Variants in CAP2 observed in about 807,000 individuals in gnomAD.
The protein encoded by CAP2 is adenylyl cyclase-associated protein 2.
In CAP2, 24 loss-of-function variants were observed where a neutral mutation model predicts 57.7. The observed-to-expected ratio is 0.42, with a 90% CI of 0.30 to 0.58. The LOEUF is 0.58. CAP2 is among the 20% of genes least tolerant of loss of function. CAP2 has a pLI of 0.22. For missense variants in CAP2, 501 were observed against 590.3 expected (o/e 0.85, Z 1.57); for synonymous variants, 194 against 207.2 (o/e 0.94, Z 0.55).
chr6:17,519,760 G>A (rs530092356), intron 7 of CAP2, among the ~76,000 whole-genome samples: 41 of 152,188 alleles, frequency 2.7e-4, no homozygotes, highest in Middle Eastern at 3.4e-3. Flanking sequence ...TATAATTATT[G>A]AAATAATTGA....
At chr6:17,412,266 A>G (rs1759158536) in intron 1 of CAP2, among the ~76,000 whole-genome samples, 1 of 152,184 alleles carries the variant, frequency 6.6e-6, no homozygotes, top group South Asian at 2.1e-4. Flanking sequence ...CCTCAAGGAG[A>G]TTGTGCCTTG....
chr6:17,463,083 T>C lies in CAP2; in HGVS notation c.300+10T>C. 3.7e-6 allele frequency: 6 copies of C among 1,600,890 alleles called. No homozygotes were observed. Among genetic ancestry groups the C allele is most frequent in the Non-Finnish European group, 5.1e-6 (6 of 1,168,250 alleles). On this transcript the variant is annotated intron_variant, in intron 4 of 12. Coordinates refer to ENST00000229922, the MANE Select transcript of CAP2 (RefSeq NM_006366.3). ...CCAACAACCCCACGAGGTAAGAGAG[T>C]GTCCTGAGAGGGAAGGTGTCCCAGG... is the stretch of plus-strand genomic sequence containing the variant.
intron 12 of CAP2, among the ~76,000 whole-genome samples, chr6:17,555,632 C>T (rs947830359): frequency 9.2e-5 from 14 of 151,788 alleles, no homozygotes; most frequent in East Asian, 3.9e-4. Flanking sequence ...GGCATGATCT[C>T]GGCTGACCGC....
chr6:17,397,843 G>A lies in CAP2; in HGVS notation c.-2+4097G>A, dbSNP rs533159150. 2.0e-5 allele frequency among the ~76,000 whole-genome samples: 3 copies of A among 151,374 alleles called. No individual in the cohort carries two copies. In the East Asian group the frequency reaches 5.8e-4, roughly 29 times the overall value. ...ATGTTTTGCTATTACAAAGAATGCT[G>A]CTTTGAAGACTTTTTTTCCATGTGT... On this transcript the variant is annotated intron_variant, in intron 1 of 12. Coordinates refer to ENST00000229922, the MANE Select transcript of CAP2 (RefSeq NM_006366.3).
chr6:17,535,889 C>T (rs939404061), intron 7 of CAP2, among the ~76,000 whole-genome samples: 3 of 151,974 alleles, frequency 2.0e-5, no homozygotes, highest in African/African-American at 7.2e-5. Context: ...CCTCCTCCAC[C>T]CACAAGAGTA....
At chr6:17,467,343 C>G (rs1414369265) in intron 4 of CAP2, among the ~76,000 whole-genome samples, 3 of 152,168 alleles carry the variant, frequency 2.0e-5, no homozygotes, top group Non-Finnish European at 4.4e-5. Flanking sequence ...TGTTGCTGAA[C>G]TCTAAGGTAA....
intron 1 of CAP2, among the ~76,000 whole-genome samples, chr6:17,394,383 A>C (rs915361255): frequency 1.1e-4 from 16 of 152,118 alleles, no homozygotes; most frequent in African/African-American, 3.4e-4. Context: ...TGTTCGTGGA[A>C]GTAGCCGCCG....
At chr6:17,556,267 AATC>A in intron 12 of CAP2, 89 bp from the exon 13 acceptor site, 1 of 886,160 alleles carries the variant, frequency 1.1e-6, no homozygotes, top group Non-Finnish European at 1.9e-6. Flanking sequence ...ATGTGGCACA[AATC>A]AGCCTCACCA....
In CAP2 at chr6:17,543,053, C is replaced by T. The variant is rs1484363203; in HGVS notation, c.1127-8C>T. 6.2e-7 allele frequency: 1 copy of T among 1,613,142 alleles called. No individual in the cohort carries two copies. On this transcript the variant is annotated splice_region_variant and splice_polypyrimidine_tract_variant and intron_variant, in intron 10 of 12. Coordinates refer to ENST00000229922, the MANE Select transcript of CAP2 (RefSeq NM_006366.3). ...GTTGGTTTTTTGTTGTGTTTTTTCT[C>T]CCCACAGACAACTGTAAAAAACTCG...
chr6:17,529,651 A>AAAATATATATATAT (rs10656588), intron 7 of CAP2, among the ~76,000 whole-genome samples: 2 of 134,534 alleles, frequency 1.5e-5, no homozygotes, highest in African/African-American at 5.9e-5. Context: ...AAAAAAAAAA[A>AAAATATATATATAT]ATATATATAT....
In CAP2 at chr6:17,426,753, A is replaced by G. The variant is rs530370098; in HGVS notation, c.222+63A>G. ...AAACTTACCAGCCCAGCCTCTGACAACGCTAACAGCCTGAGGAGATCTTTA... is the reference window on the plus strand; with the variant it reads ...AAACTTACCAGCCCAGCCTCTGACAGCGCTAACAGCCTGAGGAGATCTTTA... On this transcript the variant is annotated intron_variant, in intron 3 of 12. Coordinates refer to ENST00000229922, the MANE Select transcript of CAP2 (RefSeq NM_006366.3). 3.5e-4 allele frequency: 370 copies of G among 1,049,694 alleles called. 1 individual carries two copies. The highest frequency in any genetic ancestry group is 1.7e-3 in the Admixed American group (103 of 59,032). The allele number at this position is 1,049,694 out of a possible 1,614,324, so 65.0% of individuals were successfully genotyped here.
At chr6:17,496,606 G>T in intron 4 of CAP2, among the ~76,000 whole-genome samples, 1 of 152,102 alleles carries the variant, frequency 6.6e-6, no homozygotes, top group African/African-American at 2.4e-5. Flanking sequence ...GAATACAGGT[G>T]TGAGCCGCCA....
intron 1 of CAP2, among the ~76,000 whole-genome samples, chr6:17,419,027 G>A (rs1323281893): frequency 1.3e-5 from 2 of 152,178 alleles, no homozygotes; most frequent in Non-Finnish European, 2.9e-5. Flanking sequence ...AAGAGTAACT[G>A]CTGCCAGTTT....
intron 9 of CAP2, 94 bp from the exon 10 acceptor site, chr6:17,542,743 C>A: frequency 2.1e-6 from 2 of 958,862 alleles, no homozygotes; most frequent in Non-Finnish European, 3.2e-6. Flanking sequence ...TATTGCAAAG[C>A]CATACTTCAT....
chr6:17,554,401 G>A (rs759560760), intron 12 of CAP2, among the ~76,000 whole-genome samples: 2 of 152,236 alleles, frequency 1.3e-5, no homozygotes, highest in Non-Finnish European at 2.9e-5. Flanking sequence ...AAATCAGAGT[G>A]GCTCTTCAGC....
At chr6:17,526,613 A>G (rs1320318978) in intron 7 of CAP2, among the ~76,000 whole-genome samples, 4 of 152,150 alleles carry the variant, frequency 2.6e-5, no homozygotes, top group Non-Finnish European at 5.9e-5. Flanking sequence ...AAAAAGGGAA[A>G]TGGGGGAAGG....
rs1763324332 is a variant in CAP2 at position 17,556,808 on chromosome 6, C to G, written c.*366C>G. The G allele has an allele frequency of 5.4e-6, 1 of 185,506 alleles. No homozygotes were observed. The highest frequency in any genetic ancestry group is 5.8e-5 in the Admixed American group (1 of 17,322). The allele number at this position is 185,506 out of a possible 1,614,324, so 11.5% of individuals were successfully genotyped here. On this transcript the variant is annotated 3_prime_UTR_variant, in exon 13 of 13. Coordinates refer to ENST00000229922, the MANE Select transcript of CAP2 (RefSeq NM_006366.3). ...TTTCATTGCTAGTTAAAAAATAAAA[C>G]CTTTGAGAATCTAAGATGTACATTT...
chr6:17,424,166 C>T (rs900231517), intron 2 of CAP2, among the ~76,000 whole-genome samples: 10 of 151,934 alleles, frequency 6.6e-5, no homozygotes, highest in African/African-American at 1.2e-4. Flanking sequence ...TTTGGGAGGC[C>T]GCGGCGAGCC....
At chr6:17,532,652 C>A (rs1253741046) in intron 7 of CAP2, among the ~76,000 whole-genome samples, 1 of 150,592 alleles carries the variant, frequency 6.6e-6, no homozygotes, top group Non-Finnish European at 1.5e-5. Context: ...GAGGCTGAGG[C>A]AGGAGAAATC....
Sources: allele counts gnomAD v4.1 joint callset (sites outside exome capture counted in the v4.1 genomes callset), GRCh38; gene constraint gnomAD v4.1.1; transcripts MANE v1.5; gene names NCBI Gene and HGNC (gene_info 2026-07-23, HGNC 2026-07-21).